APC: variants seen among roughly 807,000 people sequenced by gnomAD.
APC encodes APC regulator of Wnt signaling pathway, also known as adenomatous polyposis coli protein.
A neutral mutation model predicts 247.0 loss-of-function variants in APC; 72 were observed. The ratio of observed to expected loss-of-function variants is 0.29; its 90% CI spans 0.24 to 0.35. APC has a LOEUF of 0.35. Among genes scored for constraint, APC ranks in the 10% least tolerant of loss-of-function variants. The pLI, the probability that APC is intolerant of heterozygous loss-of-function variation, is 1.00. For missense variants in APC, 3,400 were observed against 3,360.7 expected (o/e 1.01, Z -0.29); for synonymous variants, 1,254 against 1,162.5 (o/e 1.08, Z -1.60).
chr5:112,707,685 A>G (rs758576717), exon 1 of APC: 1 of 1,370,012 alleles, frequency 7.3e-7, no homozygotes, highest in South Asian at 1.2e-5. Flanking sequence ...AAGGTGAAGC[A>G]CTCAGTTGCC....
intron 4 of APC, among the ~76,000 whole-genome samples, chr5:112,768,474 A>G (rs1561466944): frequency 6.6e-6 from 1 of 150,602 alleles, no homozygotes; most frequent in Non-Finnish European, 1.5e-5. Flanking sequence ...TCTTTTCATT[A>G]TGGAAGGCCC....
intron 1 of APC, among the ~76,000 whole-genome samples, chr5:112,712,698 G>A (rs1157025625): frequency 6.6e-6 from 1 of 151,966 alleles, no homozygotes. Flanking sequence ...CAGCATGTGC[G>A]CGTTTGTATT....
At chr5:112,738,936 T>C (rs1752658797) in intron 1 of APC, among the ~76,000 whole-genome samples, 1 of 152,224 alleles carries the variant, frequency 6.6e-6, no homozygotes, top group South Asian at 2.1e-4. Context: ...ATCTTTTCTT[T>C]TGTTAGTGAA....
In APC at chr5:112,844,904, T is replaced by G. The variant is rs1285695439; in HGVS notation, c.*778T>G. 5 of 232,492 alleles carry G rather than the reference T, an allele frequency of 2.2e-5. No homozygotes were observed. The highest frequency in any genetic ancestry group is 1.1e-4 in the African/African-American group (5 of 45,318). 14.4% of individuals were successfully genotyped at this position (232,492 alleles called of 1,614,324 possible). A position where few individuals can be genotyped will look rare whatever the true frequency, so the allele number is the denominator to read the frequency against. On this transcript the variant is annotated 3_prime_UTR_variant, in exon 16 of 16. Transcript: ENST00000257430. ...GTATTTGAGGTGAGATGGCTGCTCT[T>G]TTATTAATGAGACATGAATTGTGTC...
intron 1 of APC, among the ~76,000 whole-genome samples, chr5:112,716,160 C>T: frequency 6.6e-6 from 1 of 151,978 alleles, no homozygotes; most frequent in East Asian, 1.9e-4. Context: ...CGGTGAAGTT[C>T]TTGAATTTTC....
rs1449419327 is a variant in APC at position 112,841,871 on chromosome 5, T to G, written c.6277T>G (p.Ser2093Ala). Residue 2093 changes from serine (S) to alanine (A), a missense_variant, in exon 16 of 16, where the codon TCC becomes GCC. By Grantham distance (99) the Ser-to-Ala change is moderately conservative. This residue lies in a region of APC where 1,788 missense variants were observed against 1,649.5 expected (regional missense o/e 1.08). Coordinates refer to ENST00000257430, the MANE Select transcript of APC (RefSeq NM_000038.6). This position sits in a 1 kb window ranked among gnomAD's most constrained non-coding sequence, Gnocchi z 4.6. Reference protein sequence around the residue: ...IQRPDSEHGLSPDSENFDWKA... With the variant: ...IQRPDSEHGLAPDSENFDWKA... ...GAGACCAGATTCAGAACATGGTCTATCCCCTGATTCAGAAAATTTTGATTG... is the reference window on the plus strand; with the variant it reads ...GAGACCAGATTCAGAACATGGTCTAGCCCCTGATTCAGAAAATTTTGATTG... 1 of 1,613,848 alleles carries G rather than the reference T, an allele frequency of 6.2e-7. No homozygotes were observed. The highest frequency in any genetic ancestry group is 1.3e-5 in the African/African-American group (1 of 74,926).
chr5:112,836,165 T>TCCCCCCCCCCC lies in APC; in HGVS notation c.1958+1004_1958+1014dup, dbSNP rs59050067. 2.0e-3 allele frequency among the ~76,000 whole-genome samples: 48 copies of TCCCCCCCCCCC among 24,490 alleles called. 4 individuals are homozygous for TCCCCCCCCCCC. Among genetic ancestry groups the TCCCCCCCCCCC allele is most frequent in the African/African-American group, 4.4e-3 (42 of 9,572 alleles). The allele number at this position is 24,490 out of a possible 152,430, so 16.1% of individuals were successfully genotyped here. A position where few individuals can be genotyped will look rare whatever the true frequency, so the allele number is the denominator to read the frequency against. On this transcript the variant is annotated intron_variant, in intron 15 of 15. Transcript: ENST00000257430. The stretch of plus-strand genomic sequence containing the variant: ...CCTCCCGAGTAGCTGGGATTACAGG[T>TCCCCCCCCCCC]CCCCCCCCCCCCCCGCCACCGTGCC...
intron 1 of APC, among the ~76,000 whole-genome samples, chr5:112,746,394 A>T (rs76147666): frequency 6.6e-6 from 1 of 152,316 alleles, no homozygotes; most frequent in East Asian, 1.9e-4. Context: ...GAGATAGCAT[A>T]AGCTTAATTG....
At chr5:112,791,535 G>C (rs1428251988) in intron 6 of APC, among the ~76,000 whole-genome samples, 2 of 152,108 alleles carry the variant, frequency 1.3e-5, no homozygotes, top group Non-Finnish European at 2.9e-5. Context: ...TAGGTTGCGG[G>C]CTCCTTATGA....
Position 112,837,594 on chromosome 5 carries a change from A to G in APC, c.2000A>G (p.Gln667Arg). Residue 667 changes from glutamine to arginine, a missense_variant, in exon 16 of 16, where the codon CAA becomes CGA. By Grantham distance (43) the Gln-to-Arg change is conservative (BLOSUM62 1). Transcript: ENST00000257430. Reference protein sequence around the residue: ...RENNCLQTLLQHLKSHSLTIV... With the variant: ...RENNCLQTLLRHLKSHSLTIV... The stretch of plus-strand genomic sequence containing the variant: ...AACAACTGTCTACAAACTTTATTAC[A>G]ACACTTAAAATCTCATAGTTTGACA... 6.2e-7 allele frequency: 1 copy of G among 1,612,694 alleles called. No homozygotes were observed. The highest frequency in any genetic ancestry group is 1.1e-5 in the South Asian group (1 of 90,986).
At chr5:112,740,072 G>A (rs1338370515) in intron 1 of APC, among the ~76,000 whole-genome samples, 1 of 151,616 alleles carries the variant, frequency 6.6e-6, no homozygotes, top group Admixed American at 6.6e-5. Context: ...TATAACAGAG[G>A]TAATTTGAAA....
Position 112,797,010 on chromosome 5 carries a change from T to A in APC, c.730-4269T>A, listed in dbSNP as rs76293460. Among the ~76,000 whole-genome samples the A allele has an allele frequency of 9.6e-4, 146 of 152,232 alleles. 4 individuals carry two copies. The East Asian group carries it at 0.025, about 26-fold the overall frequency. ...TTCAATTTCATTGTAGTACCATTTA[T>A]TAATAGTAATCCTCATTTTCCAGTA... On this transcript the variant is annotated intron_variant, in intron 7 of 15. Coordinates refer to ENST00000257430, the MANE Select transcript of APC (RefSeq NM_000038.6).
chr5:112,788,113 T>TG (rs1759182076), intron 6 of APC, among the ~76,000 whole-genome samples: 2 of 152,212 alleles, frequency 1.3e-5, no homozygotes, highest in African/African-American at 4.8e-5. Flanking sequence ...TTATATATGC[T>TG]GGATATTTCT....
At chr5:112,795,352 A>G (rs1760103328) in intron 7 of APC, among the ~76,000 whole-genome samples, 1 of 152,196 alleles carries the variant, frequency 6.6e-6, no homozygotes. Context: ...TGTATTCACC[A>G]ATCAGAAAGC....
intron 7 of APC, among the ~76,000 whole-genome samples, chr5:112,793,471 C>T (rs1759866108): frequency 7.2e-6 from 1 of 138,736 alleles, no homozygotes. Context: ...TGTGACTAAC[C>T]CAAGAAAAAA....
At chr5:112,815,259 T>A (rs1439656453) in intron 8 of APC, among the ~76,000 whole-genome samples, 1 of 152,228 alleles carries the variant, frequency 6.6e-6, no homozygotes, top group Non-Finnish European at 1.5e-5. Flanking sequence ...TTTGGTTAAG[T>A]CCATTCTGCA....
intron 9 of APC, among the ~76,000 whole-genome samples, chr5:112,817,594 A>G (rs1009250159): frequency 6.6e-6 from 1 of 152,244 alleles, no homozygotes; most frequent in African/African-American, 2.4e-5. Flanking sequence ...TACTATAAAG[A>G]AAATCTTGAA....
rs35130225 is a variant in APC, at chr5:112,780,372, G to A, written c.532-418G>A. Among the ~76,000 whole-genome samples, 85,342 of 151,958 alleles carry A rather than the reference G, an allele frequency of 0.56. 24,521 individuals are homozygous for A. The highest frequency in any genetic ancestry group is 0.88 in the East Asian group (4,557 of 5,182). The stretch of plus-strand genomic sequence containing the variant: ...TAATCCTTACCTTAAGTTGAAGTAT[G>A]AGCTTAAGAATGATGGACTTGTTTC... On this transcript the variant is annotated intron_variant, in intron 5 of 15. Coordinates refer to ENST00000257430, the MANE Select transcript of APC (RefSeq NM_000038.6).
upstream of APC, among the ~76,000 whole-genome samples, chr5:112,734,780 T>C (rs936144075): frequency 3.6e-5 from 3 of 82,528 alleles, no homozygotes; most frequent in Non-Finnish European, 6.4e-5. Flanking sequence ...GGTTTTCTTG[T>C]GTGTGTGTGT....
Sources: allele counts gnomAD v4.1 joint callset (sites outside exome capture counted in the v4.1 genomes callset), GRCh38; gene constraint gnomAD v4.1.1; regional missense constraint gnomAD v4.1.1; non-coding constraint Gnocchi (gnomAD v3.1); transcripts MANE v1.5; gene names NCBI Gene and HGNC (gene_info 2026-07-23, HGNC 2026-07-21).